TPTE2: variants seen among roughly 807,000 people sequenced by gnomAD.
TPTE2 encodes phosphatidylinositol 3,4,5-trisphosphate 3-phosphatase TPTE2.
TPTE2 carries 53 observed loss-of-function variants against 78.6 expected under a neutral mutation model. The observed-to-expected ratio is 0.67, with a 90% CI of 0.54 to 0.85. The LOEUF is 0.85. TPTE2 is among the 40% of genes least tolerant of loss of function. TPTE2 has a pLI of 0.00. For missense variants in TPTE2, 461 were observed against 623.0 expected (o/e 0.74, Z 2.77); for synonymous variants, 175 against 206.2 (o/e 0.85, Z 1.30).
At chr13:19,542,232 G>A in the TPTE2 span, among the ~76,000 whole-genome samples, 2 of 152,012 alleles carry the variant, frequency 1.3e-5, no homozygotes, top group Non-Finnish European at 2.9e-5. Context: ...ATAGCTCACT[G>A]CAGCCTCCAA....
the TPTE2 span, among the ~76,000 whole-genome samples, chr13:19,549,470 T>C: frequency 1.3e-5 from 2 of 152,120 alleles, no homozygotes; most frequent in Non-Finnish European, 2.9e-5. Flanking sequence ...TGCACACCAG[T>C]CTGAATGACT....
At chr13:19,492,274 T>C (rs1376015749) in intron 3 of TPTE2, among the ~76,000 whole-genome samples, 1 of 151,710 alleles carries the variant, frequency 6.6e-6, no homozygotes, top group Non-Finnish European at 1.5e-5. Context: ...TGGGTTTGGG[T>C]TGGGTCTAGG....
At chr13:19,507,324 A>C (rs79634681), upstream of TPTE2, among the ~76,000 whole-genome samples, 593 of 150,982 alleles carry the variant, frequency 3.9e-3, 4 homozygotes, top group African/African-American at 0.013. Context: ...AAAAAAAAAA[A>C]ACACATGCAA....
intron 1 of TPTE2, among the ~76,000 whole-genome samples, chr13:19,522,091 T>C (rs183681062): frequency 0.025 from 3,852 of 152,296 alleles, 126 homozygotes; most frequent in African/African-American, 0.074. Context: ...TCTCCTTCAA[T>C]GTTGAAGGAT....
At chr13:19,530,853 A>C (rs924206086) in intron 1 of TPTE2, among the ~76,000 whole-genome samples, 3 of 152,154 alleles carry the variant, frequency 2.0e-5, no homozygotes, top group African/African-American at 7.2e-5. Context: ...GGTAAAATAC[A>C]CAAAAAATGT....
At chr13:19,503,157 G>C in intron 1 of TPTE2, 67 bp downstream of exon 4, 1 of 1,604,902 alleles carries the variant, frequency 6.2e-7, no homozygotes, top group Non-Finnish European at 8.5e-7. Flanking sequence ...TTATGTGCCT[G>C]TGTGTGTGAA....
At position 19,462,538 on chromosome 13, in the gene TPTE2, C is replaced by CTT. The variant is rs34343811; in HGVS notation, c.741+1916_741+1917dup. ...TTTTTCTTGCTGTTTTTAACATTTC[C>CTT]TTTTTTTTTTTTTTAATTTTTTTGG... On this transcript the variant is annotated intron_variant, in intron 10 of 19. Coordinates refer to ENST00000400230, the Ensembl canonical transcript of TPTE2. Among the ~76,000 whole-genome samples, 575 of 143,418 alleles carry CTT rather than the reference C, an allele frequency of 4.0e-3. 2 individuals carry two copies. Among genetic ancestry groups the CTT allele is most frequent in the African/African-American group, 6.2e-3 (242 of 39,304 alleles). 94.1% of individuals were successfully genotyped at this position (143,418 alleles called of 152,430 possible). A position where few individuals can be genotyped will look rare whatever the true frequency, so the allele number is the denominator to read the frequency against.
chr13:19,451,898 C>T (rs1456056342), intron 10 of TPTE2, among the ~76,000 whole-genome samples: 1 of 150,218 alleles, frequency 6.7e-6, no homozygotes, highest in Admixed American at 6.7e-5. Context: ...ATTTAAAATA[C>T]AATCAATACC....
intron 3 of TPTE2, among the ~76,000 whole-genome samples, chr13:19,485,687 G>A (rs1388497095): frequency 1.3e-5 from 2 of 151,952 alleles, no homozygotes; most frequent in Non-Finnish European, 2.9e-5. Flanking sequence ...TCAAATTAAT[G>A]GTGTCCCATA....
chr13:19,478,800 C>T (rs1163354505), intron 4 of TPTE2, among the ~76,000 whole-genome samples: 7 of 152,158 alleles, frequency 4.6e-5, no homozygotes, highest in Admixed American at 3.3e-4. Context: ...GAAAATGTGG[C>T]ACATATACAC....
At chr13:19,433,378 C>T (rs576959039) in intron 15 of TPTE2, among the ~76,000 whole-genome samples, 76 of 152,272 alleles carry the variant, frequency 5.0e-4, no homozygotes, top group Middle Eastern at 3.4e-3. Flanking sequence ...GTGATGGGCA[C>T]CTATAATCCC....
intron 1 of TPTE2, among the ~76,000 whole-genome samples, chr13:19,526,803 T>C (rs1406719019): frequency 2.0e-5 from 3 of 152,268 alleles, no homozygotes; most frequent in African/African-American, 4.8e-5. Flanking sequence ...AATGGAGCTA[T>C]TGGCACAGTC....
the TPTE2 span, among the ~76,000 whole-genome samples, chr13:19,559,695 C>T: frequency 4.7e-5 from 7 of 149,580 alleles, no homozygotes; most frequent in South Asian, 1.1e-3. Flanking sequence ...CCCTTCCCTC[C>T]CTGAGATAGG....
At chr13:19,444,969 C>T (rs536432699) in intron 13 of TPTE2, among the ~76,000 whole-genome samples, 56 of 152,260 alleles carry the variant, frequency 3.7e-4, no homozygotes, top group African/African-American at 1.3e-3. Context: ...ACACCACACA[C>T]ATAAATCAAG....
intron 1 of TPTE2, among the ~76,000 whole-genome samples, chr13:19,519,927 T>A (rs1464341186): frequency 6.6e-6 from 1 of 152,166 alleles, no homozygotes; most frequent in African/African-American, 2.4e-5. Context: ...TGTATCCATT[T>A]ATTTAGGTCT....
intron 10 of TPTE2, among the ~76,000 whole-genome samples, chr13:19,462,701 CCTAG>C (rs1335643141): frequency 6.6e-6 from 1 of 151,830 alleles, no homozygotes; most frequent in Non-Finnish European, 1.5e-5. Context: ...CGCCACCACA[CCTAG>C]CTAATTTTTT....
intron 1 of TPTE2, among the ~76,000 whole-genome samples, chr13:19,522,072 C>A (rs1870184760): frequency 6.6e-6 from 1 of 152,072 alleles, no homozygotes; most frequent in South Asian, 2.1e-4. Flanking sequence ...ATACTTAATG[C>A]CTTATGTTTC....
At chr13:19,518,770 C>A (rs149135399) in intron 1 of TPTE2, among the ~76,000 whole-genome samples, 2 of 152,048 alleles carry the variant, frequency 1.3e-5, no homozygotes, top group African/African-American at 4.8e-5. Flanking sequence ...ATCTTCACAA[C>A]GGAAAAAAAG....
At chr13:19,536,433 T>C (rs1871215337) in intron 1 of TPTE2, among the ~76,000 whole-genome samples, 1 of 152,188 alleles carries the variant, frequency 6.6e-6, no homozygotes. Context: ...GACAGTACTG[T>C]CGAAGCCCCT....
Sources: gnomAD v4.1 joint callset for allele counts (sites outside exome capture counted in the v4.1 genomes callset) on GRCh38, gnomAD v4.1.1 for gene constraint, MANE v1.5 for transcripts, NCBI Gene and HGNC (gene_info 2026-07-23, HGNC 2026-07-21) for gene names.